RAB36: variants seen among roughly 807,000 people sequenced by gnomAD.
The protein encoded by RAB36 is ras-related protein Rab-36.
Under a neutral mutation model 39.3 loss-of-function variants are expected in RAB36, and 33 were observed. The ratio of observed to expected loss-of-function variants is 0.84; its 90% CI spans 0.64 to 1.12. The LOEUF (loss-of-function observed/expected upper bound fraction) is 1.12. RAB36 is among the 50% of genes most tolerant of loss of function. The pLI is 0.00. For missense variants in RAB36, 308 were observed against 355.3 expected (o/e 0.87, Z 1.07); for synonymous variants, 133 against 140.2 (o/e 0.95, Z 0.36).
In RAB36 at chr22:23,158,955, C is replaced by T. The variant is rs202200342; in HGVS notation, c.504C>T (p.Leu168=). The change falls in exon 8 of 11, where the codon CTC becomes CTT. Residue 168 remains leucine, a synonymous_variant. Coordinates refer to ENST00000263116, the MANE Select transcript of RAB36 (RefSeq NM_004914.5). ...AGGCAGGCTCCTGCTTCATCTTCCT[C>T]GTGGGAACCAAGAAGGACCTTCTGG... The part of the protein sequence containing the change: ...ENEAGSCFIF[L]VGTKKDLLSG... 1.4e-5 allele frequency: 23 copies of T among 1,614,034 alleles called. No individual in the cohort carries two copies. The highest frequency in any genetic ancestry group is 3.3e-4 in the Middle Eastern group (2 of 6,082).
chr22:23,166,147 T>TAAAA (rs695297), downstream of RAB36, among the ~76,000 whole-genome samples: 93 of 59,878 alleles, frequency 1.6e-3, 2 homozygotes, highest in African/African-American at 5.8e-3. Context: ...CTCTGTCTTT[T>TAAAA]AAAAAAAAAA....
At chr22:23,161,097 C>A in intron 10 of RAB36, 99 bp downstream of exon 10, 1 of 1,412,284 alleles carries the variant, frequency 7.1e-7, no homozygotes, top group Non-Finnish European at 9.6e-7. Flanking sequence ...ATTTCCTGAA[C>A]TTGTGGCCCT....
chr22:23,149,023 C>T (rs1312877383), intron 2 of RAB36, among the ~76,000 whole-genome samples: 1 of 152,192 alleles, frequency 6.6e-6, no homozygotes, highest in East Asian at 1.9e-4. Flanking sequence ...CTGTAACTTG[C>T]CCTTTGCCAG....
chr22:23,153,072 C>T lies in RAB36; in HGVS notation c.267C>T (p.Thr89=), dbSNP rs1472628717. ...KNVFDRDYKA[T]IGVDFEIERF... ...TTTTTGATCGAGACTACAAGGCCAC[C>T]ATTGGGGTGGACTTTGAAATTGAGC... Residue 89 remains threonine, a synonymous_variant, in exon 5 of 11, where the codon ACC becomes ACT. Coordinates refer to ENST00000263116, the MANE Select transcript of RAB36 (RefSeq NM_004914.5). 6.2e-7 allele frequency: 1 copy of T among 1,614,012 alleles called. No individual in the cohort carries two copies. Among genetic ancestry groups the T allele is most frequent in the Non-Finnish European group, 8.5e-7 (1 of 1,180,006 alleles).
rs766846952 is a variant in RAB36, at chr22:23,163,015, G to T, written c.*1451G>T. On this transcript the variant is annotated 3_prime_UTR_variant, in exon 11 of 11. Coordinates refer to ENST00000263116, the MANE Select transcript of RAB36 (RefSeq NM_004914.5). Reference sequence around the variant, plus strand: ...CAACCTCTGCCTCCCAGGTTGAAGCGATTCTCCTGCCTCAGCCTCCCAAGT... The same window carrying T: ...CAACCTCTGCCTCCCAGGTTGAAGCTATTCTCCTGCCTCAGCCTCCCAAGT... The T allele has an allele frequency of 3.4e-6, 1 of 293,946 alleles. No homozygotes were observed. The highest frequency in any genetic ancestry group is 6.7e-6 in the Non-Finnish European group (1 of 150,136). The allele number at this position is 293,946 out of a possible 1,614,324, so 18.2% of individuals were successfully genotyped here. A position where few individuals can be genotyped will look rare whatever the true frequency, so the allele number is the denominator to read the frequency against.
intron 5 of RAB36, chr22:23,153,668 G>T: frequency 6.8e-6 from 3 of 443,566 alleles, no homozygotes; most frequent in Non-Finnish European, 8.8e-6. Context: ...CCTCTCCCCA[G>T]CCTCACTTTC....
At chr22:23,150,304 C>CTTTT in intron 3 of RAB36, 150 bp downstream of exon 3, 2 of 444,514 alleles carry the variant, frequency 4.5e-6, no homozygotes, top group East Asian at 4.2e-5. Flanking sequence ...TTTTTTTTTT[C>CTTTT]TTTTTTTTTT....
Position 23,161,779 on chromosome 22 carries a change from C to G in RAB36, c.*215C>G. On this transcript the variant is annotated 3_prime_UTR_variant, in exon 11 of 11. Transcript: ENST00000263116. ...CACTAGAAAAGGCCCCCACTGGCTG[C>G]CTGGGAGCCCCACACCACCGGGCCA... 1.8e-6 allele frequency: 1 copy of G among 555,886 alleles called. No homozygotes were observed. The highest frequency in any genetic ancestry group is 2.0e-5 in the South Asian group (1 of 49,230). 34.4% of individuals were successfully genotyped at this position (555,886 alleles called of 1,614,324 possible). A position where few individuals can be genotyped will look rare whatever the true frequency, so the allele number is the denominator to read the frequency against.
chr22:23,159,050 G>A, intron 8 of RAB36, 71 bp downstream of exon 8: 1 of 1,586,134 alleles, frequency 6.3e-7, no homozygotes, highest in South Asian at 1.1e-5. Flanking sequence ...CTCATTGGAG[G>A]AGCCATGGGG....
At chr22:23,166,404 T>C (rs1027366050), downstream of RAB36, among the ~76,000 whole-genome samples, 1 of 151,606 alleles carries the variant, frequency 6.6e-6, no homozygotes, top group Non-Finnish European at 1.5e-5. Flanking sequence ...GAGAGTAAGA[T>C]GAAGGGCTGT....
upstream of RAB36, chr22:23,145,410 C>T (rs954663555): frequency 6.2e-7 from 1 of 1,610,064 alleles, no homozygotes; most frequent in African/African-American, 1.3e-5. Flanking sequence ...GCGCCGCTGC[C>T]AGTCCAACGC....
In RAB36 at chr22:23,145,647, C is replaced by G; in HGVS notation, c.-13+96C>G. On this transcript the variant is annotated intron_variant, in intron 1 of 10. Transcript: ENST00000263116. ...GGGCCGCGAGGGCACAGCGTCCGCG[C>G]CCACTTCCCGCCCCTATAACTTGAA... The G allele has an allele frequency of 3.0e-6, 4 of 1,339,090 alleles. No individual in the cohort carries two copies. In the South Asian group the frequency reaches 4.1e-5, roughly 14 times the overall value. The allele number at this position is 1,339,090 out of a possible 1,614,324, so 83.0% of individuals were successfully genotyped here.
chr22:23,163,606 G>GCCAC lies in RAB36; in HGVS notation c.*2044_*2045insACCC, dbSNP rs1555954101. 1.6e-5 allele frequency: 2 copies of GCCAC among 125,234 alleles called. No homozygotes were observed. The highest frequency in any genetic ancestry group is 3.6e-5 in the Non-Finnish European group (2 of 55,740). The allele number at this position is 125,234 out of a possible 1,614,324, so 7.8% of individuals were successfully genotyped here. On this transcript the variant is annotated 3_prime_UTR_variant, in exon 11 of 11. Transcript: ENST00000263116. ...AAAGCATATAAAATACAAGGTGAAA[G>GCCAC]CCCCCCCCCCGCCACATTAGCTGCG...
Position 23,158,945 on chromosome 22 carries a change from T to G in RAB36, c.494T>G (p.Phe165Cys). The change falls in exon 8 of 11, where the codon TTC becomes TGC. Residue 165 changes from phenylalanine to cysteine, a missense_variant. Phe to Cys is a radical substitution (Grantham distance 205). Coordinates refer to ENST00000263116, the MANE Select transcript of RAB36 (RefSeq NM_004914.5). ...ALRENEAGSCFIFLVGTKKDL... is the reference protein window; with the variant it reads ...ALRENEAGSCCIFLVGTKKDL... ...AGGGAGAACGAGGCAGGCTCCTGCT[T>G]CATCTTCCTCGTGGGAACCAAGAAG... 1 of 1,614,160 alleles carries G rather than the reference T, an allele frequency of 6.2e-7. No homozygotes were observed. The highest frequency in any genetic ancestry group is 2.2e-5 in the East Asian group (1 of 44,882).
At chr22:23,145,961 T>G (rs1053214793) in intron 1 of RAB36, 1 of 985,030 alleles carries the variant, frequency 1.0e-6, no homozygotes, top group Admixed American at 6.1e-5. Flanking sequence ...CTTTGCAGAC[T>G]GGGAGCAGGA....
At chr22:23,156,181 C>A (rs762434904) in intron 6 of RAB36, 149 bp downstream of exon 6, 8 of 557,692 alleles carry the variant, frequency 1.4e-5, no homozygotes, top group Non-Finnish European at 2.5e-5. Context: ...TGCTTGGGAA[C>A]AGGGAAGCTG....
Position 23,161,620 on chromosome 22 carries a change from G to A in RAB36, c.*56G>A, listed in dbSNP as rs1356556080. 22 of 1,445,168 alleles carry A rather than the reference G, an allele frequency of 1.5e-5. No homozygotes were observed. The highest frequency in any genetic ancestry group is 3.7e-5 in the Admixed American group (2 of 53,862). 89.5% of individuals were successfully genotyped at this position (1,445,168 alleles called of 1,614,324 possible). ...TGCACACACACGGACAGGAATTTCCGTGACTGTGGTGTGGAGACTGGAGCC... is the reference window on the plus strand; with the variant it reads ...TGCACACACACGGACAGGAATTTCCATGACTGTGGTGTGGAGACTGGAGCC... On this transcript the variant is annotated 3_prime_UTR_variant, in exon 11 of 11. Coordinates refer to ENST00000263116, the MANE Select transcript of RAB36 (RefSeq NM_004914.5).
At chr22:23,158,762 C>T (rs940632568) in intron 7 of RAB36, 136 bp from the exon 8 acceptor site, 8 of 740,960 alleles carry the variant, frequency 1.1e-5, no homozygotes, top group African/African-American at 6.9e-5. Context: ...CCTGCTCAGC[C>T]AGTGTGGGCC....
chr22:23,166,175 AAAG>A (rs2072048561), downstream of RAB36, among the ~76,000 whole-genome samples: 6 of 128,930 alleles, frequency 4.7e-5, no homozygotes, highest in South Asian at 2.5e-4. Context: ...AAAAAAAAAA[AAAG>A]GAGTGTTTCC....
Sources: gnomAD v4.1 joint callset for allele counts (sites outside exome capture counted in the v4.1 genomes callset) on GRCh38, gnomAD v4.1.1 for gene constraint, MANE v1.5 for transcripts, NCBI Gene and HGNC (gene_info 2026-07-23, HGNC 2026-07-21) for gene names.